Variants in LEKR1 observed in about 807,000 individuals in gnomAD.
The protein encoded by LEKR1 is protein LEKR1.
LEKR1 carries 59 observed loss-of-function variants against 72.4 expected under a neutral mutation model. The ratio of observed to expected loss-of-function variants is 0.82; its 90% CI spans 0.66 to 1.01. The LOEUF is 1.01. Among genes scored for constraint, LEKR1 ranks in the 50% least tolerant of loss-of-function variants. The pLI is 0.00. For missense variants in LEKR1, 728 were observed against 759.2 expected (o/e 0.96, Z 0.48); for synonymous variants, 257 against 263.2 (o/e 0.98, Z 0.23).
intron 3 of LEKR1, among the ~76,000 whole-genome samples, chr3:156,858,501 C>T (rs530163085): frequency 2.7e-4 from 41 of 151,924 alleles, no homozygotes; most frequent in African/African-American, 8.2e-4. Flanking sequence ...GGTGAAACCC[C>T]GTTCTCTACT....
At chr3:157,026,654 C>A (rs1328318666) in intron 11 of LEKR1, among the ~76,000 whole-genome samples, 1 of 152,132 alleles carries the variant, frequency 6.6e-6, no homozygotes, top group African/African-American at 2.4e-5. Flanking sequence ...ACATTTGAAA[C>A]AAATTTTGGA....
In LEKR1 at chr3:156,977,690, G is replaced by GA. The variant is rs1435006342; in HGVS notation, c.746-1502dup. The GA allele has an allele frequency of 2.0e-5, 5 of 245,440 alleles. No individual in the cohort carries two copies. The East Asian group carries it at 5.5e-4, about 27-fold the overall frequency. The allele number at this position is 245,440 out of a possible 1,614,324, so 15.2% of individuals were successfully genotyped here. On this transcript the variant is annotated intron_variant, in intron 6 of 12. Coordinates refer to ENST00000356539, the MANE Select transcript of LEKR1 (RefSeq NM_001004316.3). ...AATGTACATGGGATGGATGCATATG[G>GA]AAGTTTGCTCTGTCTGATAAATAAG...
chr3:156,984,742 C>CT (rs34337824), intron 7 of LEKR1, among the ~76,000 whole-genome samples: 15 of 151,028 alleles, frequency 9.9e-5, no homozygotes, highest in South Asian at 2.1e-4. Context: ...ACTTTAATTC[C>CT]TTTTTTTTTC....
At chr3:156,941,617 G>A (rs1726216448) in intron 5 of LEKR1, among the ~76,000 whole-genome samples, 1 of 151,986 alleles carries the variant, frequency 6.6e-6, no homozygotes, top group African/African-American at 2.4e-5. Flanking sequence ...TCCAGGATGG[G>A]CTAACCAAAG....
At chr3:156,959,262 C>G (rs1560108105) in intron 6 of LEKR1, among the ~76,000 whole-genome samples, 1 of 152,022 alleles carries the variant, frequency 6.6e-6, no homozygotes, top group East Asian at 1.9e-4. Flanking sequence ...TTTCTTTTGT[C>G]CTGTTTTTAA....
At chr3:156,963,057 T>C (rs983240661) in intron 6 of LEKR1, among the ~76,000 whole-genome samples, 8 of 152,186 alleles carry the variant, frequency 5.3e-5, no homozygotes, top group Admixed American at 2.6e-4. Flanking sequence ...TCTCCCATTA[T>C]ATATACTTGT....
At chr3:156,899,894 AATTT>A (rs1198908245) in intron 3 of LEKR1, among the ~76,000 whole-genome samples, 1 of 151,878 alleles carries the variant, frequency 6.6e-6, no homozygotes, top group Non-Finnish European at 1.5e-5. Context: ...ATAAAAATAG[AATTT>A]ATTCTAAAGA....
intron 3 of LEKR1, among the ~76,000 whole-genome samples, chr3:156,861,954 T>G (rs1276965450): frequency 6.6e-6 from 1 of 152,104 alleles, no homozygotes; most frequent in Admixed American, 6.6e-5. Flanking sequence ...CTTCTCTCCA[T>G]GAACATGTGC....
chr3:156,899,551 C>CATGT (rs1560064300), intron 3 of LEKR1, among the ~76,000 whole-genome samples: 36 of 89,186 alleles, frequency 4.0e-4, no homozygotes, highest in African/African-American at 2.1e-3. Context: ...CATATATACA[C>CATGT]ATATATACAT....
At chr3:157,013,497 A>G (rs575357812) in intron 10 of LEKR1, among the ~76,000 whole-genome samples, 53 of 152,278 alleles carry the variant, frequency 3.5e-4, no homozygotes, top group African/African-American at 1.3e-3. Flanking sequence ...ATAATATTCT[A>G]TAAGTTCTTG....
chr3:156,847,297 A>G (rs1714730856), intron 2 of LEKR1, among the ~76,000 whole-genome samples: 1 of 152,200 alleles, frequency 6.6e-6, no homozygotes, highest in Non-Finnish European at 1.5e-5. Flanking sequence ...GCATTTGAGA[A>G]GTTTGTTTCA....
intron 6 of LEKR1, chr3:156,977,685 A>G (rs1426654746): frequency 4.1e-6 from 1 of 246,262 alleles, no homozygotes; most frequent in Non-Finnish European, 8.6e-6. Context: ...GGATGGATGC[A>G]TATGGAAGTT....
At chr3:156,988,368 T>C (rs1475466370) in intron 7 of LEKR1, 3 of 228,502 alleles carry the variant, frequency 1.3e-5, no homozygotes, top group South Asian at 8.0e-5. Flanking sequence ...TCTGCCAGTT[T>C]GTTGGGGAGC....
intron 12 of LEKR1, among the ~76,000 whole-genome samples, chr3:157,040,745 G>C (rs535802625): frequency 2.5e-4 from 38 of 152,350 alleles, no homozygotes; most frequent in African/African-American, 8.9e-4. Flanking sequence ...GACTGATTCA[G>C]ATCTTACTGG....
rs148355476 is a variant in LEKR1 at position 156,934,385 on chromosome 3, G to C, written c.559+6781G>C. Among the ~76,000 whole-genome samples the C allele has an allele frequency of 1.1e-3, 161 of 152,248 alleles. No homozygotes were observed. In the East Asian group the frequency reaches 0.025, roughly 24 times the overall value. ...AGATTCCTGATAATATTTATATTAG[G>C]TTTTGGAACCTCTGAGTATTCTCTA... On this transcript the variant is annotated intron_variant, in intron 5 of 12. Transcript: ENST00000356539.
chr3:156,908,336 G>A (rs1722732317), intron 3 of LEKR1, among the ~76,000 whole-genome samples: 1 of 151,910 alleles, frequency 6.6e-6, no homozygotes, highest in African/African-American at 2.4e-5. Context: ...GGCTATTATT[G>A]TACAGTTTTA....
chr3:156,986,459 G>A (rs1730695635), intron 7 of LEKR1, among the ~76,000 whole-genome samples: 1 of 152,200 alleles, frequency 6.6e-6, no homozygotes, highest in Non-Finnish European at 1.5e-5. Flanking sequence ...CTGTAGCATG[G>A]AGATGGAGAG....
At chr3:156,894,067 C>T (rs969076566) in intron 3 of LEKR1, among the ~76,000 whole-genome samples, 2 of 152,226 alleles carry the variant, frequency 1.3e-5, no homozygotes, top group African/African-American at 4.8e-5. Context: ...CAAAAGCAAT[C>T]ACCTGAAACA....
intron 12 of LEKR1, among the ~76,000 whole-genome samples, chr3:157,036,959 A>G (rs1025650312): frequency 5.3e-5 from 8 of 152,200 alleles, no homozygotes; most frequent in Non-Finnish European, 8.8e-5. Context: ...TATGCAAGGA[A>G]GAAAATGTCA....
Sources: gnomAD v4.1 joint callset for allele counts (sites outside exome capture counted in the v4.1 genomes callset) on GRCh38, gnomAD v4.1.1 for gene constraint, MANE v1.5 for transcripts, NCBI Gene and HGNC (gene_info 2026-07-23, HGNC 2026-07-21) for gene names.